Variants in PTPRG observed in about 807,000 individuals in gnomAD.
PTPRG encodes the protein receptor-type tyrosine-protein phosphatase gamma.
A neutral mutation model predicts 165.3 loss-of-function variants in PTPRG; 102 were observed. The observed-to-expected ratio is 0.62, with a 90% CI of 0.53 to 0.73. The LOEUF (loss-of-function observed/expected upper bound fraction) is 0.73, where lower values mean the gene tolerates loss of function less well. PTPRG is among the 30% of genes least tolerant of loss of function. The pLI is 0.00. For missense variants in PTPRG, 1,866 were observed against 1,861.4 expected (o/e 1.00, Z -0.05); for synonymous variants, 675 against 669.5 (o/e 1.01, Z -0.13).
At chr3:62,284,853 A>C (rs1366227617) in intron 28 of PTPRG, among the ~76,000 whole-genome samples, 4 of 152,060 alleles carry the variant, frequency 2.6e-5, no homozygotes, top group African/African-American at 7.2e-5. Flanking sequence ...ATCTTTTACA[A>C]TCTAGTGTAA....
intron 1 of PTPRG, among the ~76,000 whole-genome samples, chr3:61,592,567 A>G (rs1340098165): frequency 6.6e-6 from 1 of 151,666 alleles, no homozygotes; most frequent in African/African-American, 2.4e-5. Context: ...TAATCAAAAT[A>G]GTTGCATATT....
At chr3:61,605,360 A>G (rs1181713767) in intron 1 of PTPRG, among the ~76,000 whole-genome samples, 1 of 151,848 alleles carries the variant, frequency 6.6e-6, no homozygotes, top group Non-Finnish European at 1.5e-5. Context: ...GGTTCAAGTG[A>G]TTCTCCTGCC....
intron 4 of PTPRG, among the ~76,000 whole-genome samples, chr3:62,020,933 C>G (rs918211550): frequency 2.0e-5 from 3 of 151,860 alleles, no homozygotes; most frequent in Non-Finnish European, 4.4e-5. Context: ...CCTTGGTCTC[C>G]CAAAGTGCTG....
intron 1 of PTPRG, among the ~76,000 whole-genome samples, chr3:61,573,304 G>A (rs1328344269): frequency 6.6e-6 from 1 of 152,184 alleles, no homozygotes; most frequent in Non-Finnish European, 1.5e-5. Context: ...TAGGATCTGA[G>A]TACATTAATA....
intron 4 of PTPRG, among the ~76,000 whole-genome samples, chr3:62,073,729 C>G (rs763731608): frequency 1.3e-5 from 2 of 152,176 alleles, no homozygotes; most frequent in African/African-American, 2.4e-5. Flanking sequence ...GATCCATCCA[C>G]CTTGGCCTCA....
intron 1 of PTPRG, among the ~76,000 whole-genome samples, chr3:61,693,608 A>T (rs558149743): frequency 3.9e-5 from 6 of 152,304 alleles, no homozygotes; most frequent in African/African-American, 1.4e-4. Flanking sequence ...AATCTGCTGC[A>T]GAATAAAGGT....
At chr3:62,094,081 A>G (rs765409105) in intron 5 of PTPRG, among the ~76,000 whole-genome samples, 3 of 152,188 alleles carry the variant, frequency 2.0e-5, no homozygotes, top group South Asian at 4.1e-4. Flanking sequence ...AGGGACTTCT[A>G]TCCCCAACTG....
chr3:62,148,837 T>A (rs1704218672), intron 6 of PTPRG, among the ~76,000 whole-genome samples: 1 of 152,178 alleles, frequency 6.6e-6, no homozygotes, highest in Non-Finnish European at 1.5e-5. Flanking sequence ...CACCTGATCC[T>A]GCAGATGAGG....
chr3:61,562,711 G>A (rs771292722), intron 1 of PTPRG, among the ~76,000 whole-genome samples: 14 of 152,126 alleles, frequency 9.2e-5, no homozygotes, highest in Non-Finnish European at 1.8e-4. Flanking sequence ...GAGAACTCGA[G>A]TTGTGGGGCG....
intron 4 of PTPRG, among the ~76,000 whole-genome samples, chr3:62,008,556 A>G (rs755191824): frequency 6.6e-6 from 1 of 152,214 alleles, no homozygotes; most frequent in South Asian, 2.1e-4. Context: ...GCAATCCCTT[A>G]TCTGAAACTC....
chr3:62,030,869 AC>A (rs930560017), intron 4 of PTPRG, among the ~76,000 whole-genome samples: 17 of 151,952 alleles, frequency 1.1e-4, no homozygotes, highest in Non-Finnish European at 2.2e-4. Context: ...ACTTAGACTG[AC>A]CCCCCACTGC....
intron 14 of PTPRG, among the ~76,000 whole-genome samples, chr3:62,239,367 T>C (rs1701106865): frequency 6.8e-6 from 1 of 147,250 alleles, no homozygotes; most frequent in Non-Finnish European, 1.5e-5. Flanking sequence ...TTTCTTTTTT[T>C]TTTTTTTTTT....
At chr3:61,635,160 T>C (rs993374666) in intron 1 of PTPRG, among the ~76,000 whole-genome samples, 5 of 152,106 alleles carry the variant, frequency 3.3e-5, no homozygotes, top group Admixed American at 6.6e-5. Flanking sequence ...ATTACAGGCA[T>C]GATTTGGTTG....
In PTPRG at chr3:62,293,919, G is replaced by A. The variant is rs1269728456; in HGVS notation, c.*612G>A. ...TCCCTTAAGAAGTTAGAAGGCTTAA[G>A]AACTGCTTCATGTGAACATCCCTTA... On this transcript the variant is annotated 3_prime_UTR_variant, in exon 30 of 30. Transcript: ENST00000474889. 6.6e-6 allele frequency: 1 copy of A among 152,496 alleles called. No individual in the cohort carries two copies. Among genetic ancestry groups the A allele is most frequent in the Non-Finnish European group, 1.5e-5 (1 of 67,986 alleles). 9.4% of individuals were successfully genotyped at this position (152,496 alleles called of 1,614,324 possible).
At chr3:61,817,104 A>G (rs975236274) in intron 2 of PTPRG, among the ~76,000 whole-genome samples, 1 of 131,956 alleles carries the variant, frequency 7.6e-6, no homozygotes, top group Non-Finnish European at 1.6e-5. Flanking sequence ...ATATTATTAC[A>G]TATTACATAT....
chr3:61,594,180 C>T (rs1180177303), intron 1 of PTPRG, among the ~76,000 whole-genome samples: 1 of 152,154 alleles, frequency 6.6e-6, no homozygotes, highest in East Asian at 1.9e-4. Context: ...AGCCTGTCCT[C>T]TGCCCAGCAC....
intron 1 of PTPRG, among the ~76,000 whole-genome samples, chr3:61,661,797 G>A (rs1702676297): frequency 6.6e-6 from 1 of 152,148 alleles, no homozygotes; most frequent in Non-Finnish European, 1.5e-5. Flanking sequence ...CTACTAGCTG[G>A]TGTTGAAATG....
At chr3:61,702,524 C>T (rs756951786) in intron 1 of PTPRG, among the ~76,000 whole-genome samples, 3 of 152,220 alleles carry the variant, frequency 2.0e-5, no homozygotes, top group Non-Finnish European at 4.4e-5. Context: ...TTTATACACA[C>T]GTGTACACAC....
intron 2 of PTPRG, among the ~76,000 whole-genome samples, chr3:61,835,890 A>G (rs534584434): frequency 6.6e-6 from 1 of 151,760 alleles, no homozygotes; most frequent in South Asian, 2.1e-4. Context: ...AAAATGCAAA[A>G]TTAGCCAGGC....
Sources: gnomAD v4.1 joint callset for allele counts (sites outside exome capture counted in the v4.1 genomes callset) on GRCh38, gnomAD v4.1.1 for gene constraint, MANE v1.5 for transcripts, NCBI Gene and HGNC (gene_info 2026-07-23, HGNC 2026-07-21) for gene names.